The following IL1RAPL1 variants were observed in gnomAD, a reference collection of about 807,000 sequenced individuals.
IL1RAPL1 encodes interleukin-1 receptor accessory protein-like 1.
In IL1RAPL1, 3 loss-of-function variants were observed where a neutral mutation model predicts 48.4. That is an observed-to-expected ratio of 0.06 (90% CI 0.03 to 0.16). The LOEUF is 0.16. Ranked by LOEUF, IL1RAPL1 falls within the 10% of genes least tolerant of loss-of-function variation. The pLI is 1.00. For missense variants in IL1RAPL1, 349 were observed against 530.6 expected, an observed-to-expected ratio of 0.66 and a Z score of 3.36; for synonymous variants, 185 against 187.7, an observed-to-expected ratio of 0.99 and a Z score of 0.12.
intron 5 of IL1RAPL1, among the ~76,000 whole-genome samples, chrX:29,658,987 C>G (rs60516066): frequency 0.15 from 16,352 of 111,388 alleles, 1,363 homozygotes; most frequent in African/African-American, 0.31. Flanking sequence ...GCAATTGACA[C>G]ATTCATTGCA....
chrX:29,314,239 G>A (rs1342928352), intron 3 of IL1RAPL1, among the ~76,000 whole-genome samples: 1 of 111,772 alleles, frequency 8.9e-6, no homozygotes, highest in African/African-American at 3.2e-5. Context: ...GTTTTGAGGG[G>A]GTCTAGGTTC....
intron 2 of IL1RAPL1, among the ~76,000 whole-genome samples, chrX:29,282,701 A>G (rs947602837): frequency 1.5e-4 from 17 of 111,971 alleles, no homozygotes; most frequent in Non-Finnish European, 5.6e-5. Context: ...ATATAAACAA[A>G]TAATAAATAA....
chrX:28,673,516 TCTTCC>T (rs1934967327), intron 1 of IL1RAPL1, among the ~76,000 whole-genome samples: 3 of 111,880 alleles, frequency 2.7e-5, no homozygotes, highest in Admixed American at 1.9e-4. Flanking sequence ...TAAACTAAAG[TCTTCC>T]CTTAAAAGGT....
chrX:29,938,589 A>G (rs754544054), intron 8 of IL1RAPL1, among the ~76,000 whole-genome samples: 5 of 112,398 alleles, frequency 4.4e-5, no homozygotes, highest in Admixed American at 1.9e-4. Context: ...TCAAAATGTT[A>G]AAGAATTGAA....
Position 28,902,980 on chromosome X carries a change from G to A in IL1RAPL1, c.82+113555G>A, listed in dbSNP as rs143465747. 4.6e-3 allele frequency among the ~76,000 whole-genome samples: 517 copies of A among 111,883 alleles called. 4 individuals carry two copies. Among genetic ancestry groups the A allele is most frequent in the African/African-American group, 0.015 (469 of 30,797 alleles). ...TCCTGAAACCCTCCCCACCGTCTGC[G>A]GGAAAATTGGCTTCCATGAAACTGA... On this transcript the variant is annotated intron_variant, in intron 2 of 10. Transcript: ENST00000378993.
At position 29,588,734 on chromosome X, in the gene IL1RAPL1, C is replaced by T. The variant is rs752271167; in HGVS notation, c.704-79696C>T. Among the ~76,000 whole-genome samples, 11 of 111,860 alleles carry T rather than the reference C, an allele frequency of 9.8e-5. No homozygotes were observed. In the East Asian group the frequency reaches 2.0e-3, roughly 20 times the overall value. ...TGTTGATATTTTCTAGTGATAAGTG[C>T]CTGGGGATCATCTAGGTGAAGCTCT... On this transcript the variant is annotated intron_variant, in intron 5 of 10. Coordinates refer to ENST00000378993, the MANE Select transcript of IL1RAPL1 (RefSeq NM_014271.4).
intron 1 of IL1RAPL1, among the ~76,000 whole-genome samples, chrX:28,768,693 C>G (rs867385736): frequency 2.6e-5 from 2 of 75,736 alleles, no homozygotes; most frequent in Non-Finnish European, 4.9e-5. Context: ...CTGTCTCTCT[C>G]TCTCTCTGTT....
intron 2 of IL1RAPL1, among the ~76,000 whole-genome samples, chrX:28,902,480 C>G (rs1479279026): frequency 8.9e-6 from 1 of 111,964 alleles, no homozygotes; most frequent in South Asian, 3.7e-4. Context: ...CAAGAAACTT[C>G]CAGGTAATAG....
At position 29,439,851 on chromosome X, in the gene IL1RAPL1, G is replaced by T. The variant is rs199655556; in HGVS notation, c.703+40543G>T. ...CCAGGCTGTATTATTTGTTTGTTTGGTTTTTTTTTTTTTTTTTTTTGGTTT... is the reference window on the plus strand; with the variant it reads ...CCAGGCTGTATTATTTGTTTGTTTGTTTTTTTTTTTTTTTTTTTTTGGTTT... On this transcript the variant is annotated intron_variant, in intron 5 of 10. Coordinates refer to ENST00000378993, the MANE Select transcript of IL1RAPL1 (RefSeq NM_014271.4). Among the ~76,000 whole-genome samples, 12 of 59,833 alleles carry T rather than the reference G, an allele frequency of 2.0e-4. 1 individual carries two copies. The East Asian group carries it at 2.5e-3, about 12-fold the overall frequency. The allele number at this position is 59,833 out of a possible 115,157, so 52.0% of individuals were successfully genotyped here.
At chrX:29,613,567 G>A (rs369759710) in intron 5 of IL1RAPL1, among the ~76,000 whole-genome samples, 1 of 110,444 alleles carries the variant, frequency 9.1e-6, no homozygotes, top group East Asian at 2.8e-4. Flanking sequence ...TGCCTAGGAG[G>A]GCAATGAAAG....
chrX:29,014,734 C>T (rs941271817), intron 2 of IL1RAPL1, among the ~76,000 whole-genome samples: 3 of 111,585 alleles, frequency 2.7e-5, no homozygotes, highest in Non-Finnish European at 5.7e-5. Context: ...ATTGTAGTCC[C>T]CCAAACAGTG....
intron 6 of IL1RAPL1, among the ~76,000 whole-genome samples, chrX:29,848,334 T>G (rs757745157): frequency 9.0e-5 from 10 of 111,509 alleles, no homozygotes; most frequent in Non-Finnish European, 1.7e-4. Flanking sequence ...ATGCTACTGA[T>G]TCTTCCCTAA....
At chrX:29,096,024 C>T (rs906196964) in intron 2 of IL1RAPL1, among the ~76,000 whole-genome samples, 1 of 111,772 alleles carries the variant, frequency 8.9e-6, no homozygotes, top group Non-Finnish European at 1.9e-5. Context: ...AACTCTCTTA[C>T]ATTAAAGAGT....
intron 2 of IL1RAPL1, among the ~76,000 whole-genome samples, chrX:29,045,377 C>G (rs149784753): frequency 1.8e-5 from 2 of 112,358 alleles, no homozygotes; most frequent in Middle Eastern, 4.6e-3. Context: ...CAAACCAACA[C>G]AAGTTCTTTT....
chrX:29,835,562 G>A (rs1020055098), intron 6 of IL1RAPL1, among the ~76,000 whole-genome samples: 11 of 111,760 alleles, frequency 9.8e-5, no homozygotes, highest in African/African-American at 2.6e-4. Flanking sequence ...TACATTTTTT[G>A]GTATAGCTTG....
chrX:29,413,441 T>C (rs1934171806), intron 5 of IL1RAPL1, among the ~76,000 whole-genome samples: 1 of 110,074 alleles, frequency 9.1e-6, no homozygotes, highest in African/African-American at 3.3e-5. Flanking sequence ...GCCATGTTGG[T>C]GTGCTGCACC....
At chrX:29,910,357 G>T (rs1468705419) in intron 6 of IL1RAPL1, among the ~76,000 whole-genome samples, 2 of 108,796 alleles carry the variant, frequency 1.8e-5, no homozygotes, top group Non-Finnish European at 1.9e-5. Flanking sequence ...TAACAAACCT[G>T]CACATGTACC....
intron 6 of IL1RAPL1, among the ~76,000 whole-genome samples, chrX:29,807,410 A>G: frequency 1.8e-5 from 2 of 108,470 alleles, no homozygotes; most frequent in South Asian, 8.1e-4. Context: ...AGGTCAGGAG[A>G]TTGAAACCAG....
chrX:28,852,354 T>C (rs1921684246), intron 2 of IL1RAPL1, among the ~76,000 whole-genome samples: 1 of 107,818 alleles, frequency 9.3e-6, no homozygotes, highest in Non-Finnish European at 1.9e-5. Context: ...TTTTTTTTGC[T>C]AAATGTTAGA....
Sources: gnomAD v4.1 joint callset for allele counts (sites outside exome capture counted in the v4.1 genomes callset) on GRCh38, gnomAD v4.1.1 for gene constraint, MANE v1.5 for transcripts, NCBI Gene and HGNC (gene_info 2026-07-23, HGNC 2026-07-21) for gene names.